Variants in PPARGC1A observed in about 807,000 individuals in gnomAD.
The protein encoded by PPARGC1A is PPARG coactivator 1 alpha, also known as peroxisome proliferator-activated receptor gamma coactivator 1-alpha.
Under a neutral mutation model 88.7 loss-of-function variants are expected in PPARGC1A, and 25 were observed. The ratio of observed to expected loss-of-function variants is 0.28; its 90% CI spans 0.21 to 0.39. The LOEUF (loss-of-function observed/expected upper bound fraction) is 0.39, where lower values mean the gene tolerates loss of function less well. PPARGC1A is among the 10% of genes least tolerant of loss of function. The pLI is 1.00. For missense variants in PPARGC1A, 880 were observed against 968.7 expected (o/e 0.91, Z 1.22); for synonymous variants, 363 against 355.6 (o/e 1.02, Z -0.24).
chr4:24,368,908 A>G, the PPARGC1A span, among the ~76,000 whole-genome samples: 1 of 152,044 alleles, frequency 6.6e-6, no homozygotes, highest in Non-Finnish European at 1.5e-5. Flanking sequence ...AAACCATCTT[A>G]TTCTCTCCTT....
At chr4:24,244,792 G>A in the PPARGC1A span, among the ~76,000 whole-genome samples, 2 of 152,104 alleles carry the variant, frequency 1.3e-5, no homozygotes, top group African/African-American at 2.4e-5. Flanking sequence ...AGAACTATCA[G>A]GTCCAAAACA....
the PPARGC1A span, among the ~76,000 whole-genome samples, chr4:24,406,019 G>T: frequency 6.6e-6 from 1 of 151,620 alleles, no homozygotes; most frequent in South Asian, 2.1e-4. Context: ...AGAATCTAAG[G>T]TTCGATTCCT....
At chr4:24,126,267 C>CCACACACACACACA in the PPARGC1A span, among the ~76,000 whole-genome samples, 15,525 of 146,272 alleles carry the variant, frequency 0.11, 949 homozygotes, top group Admixed American at 0.18. Flanking sequence ...TGGCTTCTCA[C>CCACACACACACACA]CACACACACA....
At chr4:24,322,606 G>GA in the PPARGC1A span, among the ~76,000 whole-genome samples, 1 of 152,222 alleles carries the variant, frequency 6.6e-6, no homozygotes, top group African/African-American at 2.4e-5. Context: ...TGTTGTGCTG[G>GA]AACAGGCTTA....
the PPARGC1A span, among the ~76,000 whole-genome samples, chr4:24,257,503 C>T: frequency 6.6e-6 from 1 of 152,132 alleles, no homozygotes; most frequent in Admixed American, 6.5e-5. Flanking sequence ...AAAAGATGCA[C>T]CAATTCAATG....
chr4:23,883,344 T>C (rs1032612790), intron 2 of PPARGC1A: 4 of 152,218 alleles, frequency 2.6e-5, no homozygotes, highest in Non-Finnish European at 5.9e-5. Context: ...CAGCTAACTC[T>C]ACCTCCGTGC....
At chr4:23,991,592 G>A in the PPARGC1A span, among the ~76,000 whole-genome samples, 8 of 152,006 alleles carry the variant, frequency 5.3e-5, no homozygotes, top group Non-Finnish European at 1.0e-4. Flanking sequence ...GGCAAATCCT[G>A]CTCTTGAACT....
At chr4:23,921,671 T>C in the PPARGC1A span, among the ~76,000 whole-genome samples, 6 of 152,200 alleles carry the variant, frequency 3.9e-5, no homozygotes, top group Non-Finnish European at 5.9e-5. Context: ...TCTCCTGGAA[T>C]GTATTGGAAA....
At chr4:23,797,014 C>T (rs1717734890) in intron 12 of PPARGC1A, among the ~76,000 whole-genome samples, 1 of 151,934 alleles carries the variant, frequency 6.6e-6, no homozygotes, top group Non-Finnish European at 1.5e-5. Context: ...CTAGCTCCGG[C>T]CTGACCATCC....
intron 2 of PPARGC1A, among the ~76,000 whole-genome samples, chr4:23,838,374 C>G (rs1333445721): frequency 6.6e-6 from 1 of 152,136 alleles, no homozygotes; most frequent in Non-Finnish European, 1.5e-5. Context: ...TTCCTAGCTC[C>G]TACCTCACTC....
At chr4:24,049,477 G>T in the PPARGC1A span, among the ~76,000 whole-genome samples, 1 of 151,582 alleles carries the variant, frequency 6.6e-6, no homozygotes, top group Non-Finnish European at 1.5e-5. Flanking sequence ...GGGTGAATTG[G>T]GTGAAATTTG....
At chr4:24,196,343 C>A in the PPARGC1A span, among the ~76,000 whole-genome samples, 1 of 152,220 alleles carries the variant, frequency 6.6e-6, no homozygotes, top group South Asian at 2.1e-4. Context: ...ACACAGCCCA[C>A]CTTTTATTGG....
chr4:24,100,328 C>A, the PPARGC1A span, among the ~76,000 whole-genome samples: 1 of 152,080 alleles, frequency 6.6e-6, no homozygotes, highest in Non-Finnish European at 1.5e-5. Context: ...GACTGATCCA[C>A]ATTATGGGGA....
At chr4:23,826,758 C>A (rs1724025011) in intron 5 of PPARGC1A, among the ~76,000 whole-genome samples, 1 of 152,010 alleles carries the variant, frequency 6.6e-6, no homozygotes, top group Non-Finnish European at 1.5e-5. Flanking sequence ...GCGTTTTGTA[C>A]CTTGCCACAG....
chr4:24,419,374 T>A, the PPARGC1A span, among the ~76,000 whole-genome samples: 1 of 149,274 alleles, frequency 6.7e-6, no homozygotes, highest in East Asian at 2.0e-4. Flanking sequence ...TGTGTGTGTG[T>A]GTGTGTGTCT....
At chr4:23,914,434 G>A in the PPARGC1A span, among the ~76,000 whole-genome samples, 125 of 152,276 alleles carry the variant, frequency 8.2e-4, 1 homozygote, top group African/African-American at 2.9e-3. Flanking sequence ...AATTAGTGGA[G>A]GAAACAGACA....
At chr4:24,168,523 T>C in the PPARGC1A span, among the ~76,000 whole-genome samples, 1 of 152,208 alleles carries the variant, frequency 6.6e-6, no homozygotes, top group Middle Eastern at 3.2e-3. Context: ...CAGGACTCTG[T>C]ACAGAAATGG....
At chr4:24,471,159 C>G in the PPARGC1A span, among the ~76,000 whole-genome samples, 2 of 151,936 alleles carry the variant, frequency 1.3e-5, no homozygotes, top group South Asian at 2.1e-4. This position sits in a 1 kb window ranked among gnomAD's most constrained non-coding sequence, Gnocchi z 5.4. Flanking sequence ...CACCCCCCAC[C>G]CCTAGCGGGC....
the PPARGC1A span, among the ~76,000 whole-genome samples, chr4:24,073,451 C>T: frequency 2.0e-5 from 3 of 152,212 alleles, no homozygotes; most frequent in African/African-American, 7.2e-5. Flanking sequence ...TGCACAAGCA[C>T]TGTTCTTATT....
Sources: gnomAD v4.1 joint callset for allele counts (sites outside exome capture counted in the v4.1 genomes callset) on GRCh38, gnomAD v4.1.1 for gene constraint, Gnocchi (gnomAD v3.1) non-coding constraint, MANE v1.5 for transcripts, NCBI Gene and HGNC (gene_info 2026-07-23, HGNC 2026-07-21) for gene names.